The following SH3KBP1 variants were observed in gnomAD, a reference collection of about 807,000 sequenced individuals.
The protein encoded by SH3KBP1 is SH3 domain-containing kinase-binding protein 1.
In SH3KBP1, 8 loss-of-function variants were observed where a neutral mutation model predicts 50.1. The ratio of observed to expected loss-of-function variants is 0.16; its 90% CI spans 0.09 to 0.29. SH3KBP1 has a LOEUF of 0.29. SH3KBP1 is among the 10% of genes least tolerant of loss of function. The pLI, the probability that SH3KBP1 is intolerant of heterozygous loss-of-function variation, is 1.00. For missense variants in SH3KBP1, 377 were observed against 535.2 expected (o/e 0.70, Z 2.92); for synonymous variants, 227 against 218.6 (o/e 1.04, Z -0.34).
chrX:19,665,393 A>G (rs1358218520), intron 6 of SH3KBP1, among the ~76,000 whole-genome samples: 2 of 112,067 alleles, frequency 1.8e-5, no homozygotes, highest in African/African-American at 6.5e-5. Context: ...TTGAGGTGAC[A>G]CTTCTGAGTC....
intron 6 of SH3KBP1, among the ~76,000 whole-genome samples, chrX:19,680,830 T>C (rs2063033122): frequency 9.0e-6 from 1 of 111,495 alleles, no homozygotes; most frequent in African/African-American, 3.3e-5. Context: ...GTTGTAAAAA[T>C]TGTCCACACC....
chrX:19,663,763 T>G (rs2062523983), intron 6 of SH3KBP1, among the ~76,000 whole-genome samples: 1 of 112,122 alleles, frequency 8.9e-6, no homozygotes, highest in African/African-American at 3.2e-5. Flanking sequence ...TCTCCATTAT[T>G]TGCAATCTGA....
At chrX:19,544,914 A>G (rs1459067568) in intron 15 of SH3KBP1, among the ~76,000 whole-genome samples, 1 of 111,916 alleles carries the variant, frequency 8.9e-6, no homozygotes, top group African/African-American at 3.3e-5. Flanking sequence ...GAGACACCCC[A>G]GGGATGTCAA....
At chrX:19,663,001 A>C (rs1392289930) in intron 6 of SH3KBP1, among the ~76,000 whole-genome samples, 1 of 111,291 alleles carries the variant, frequency 9.0e-6, no homozygotes, top group African/African-American at 3.3e-5. Flanking sequence ...TCAGTTTAAC[A>C]GCAAGTCTTG....
intron 1 of SH3KBP1, among the ~76,000 whole-genome samples, chrX:19,844,563 A>T (rs2068311844): frequency 9.0e-6 from 1 of 111,450 alleles, no homozygotes; most frequent in Non-Finnish European, 1.9e-5. Context: ...CAATGCCTAT[A>T]TAGCAGAGGG....
intron 1 of SH3KBP1, among the ~76,000 whole-genome samples, chrX:19,864,639 A>C (rs2068860044): frequency 8.9e-6 from 1 of 112,105 alleles, no homozygotes; most frequent in South Asian, 3.7e-4. Flanking sequence ...TAGAGTTTCC[A>C]AAAAGGAATG....
chrX:19,799,583 A>G (rs757005677), intron 2 of SH3KBP1: 1 of 1,158,580 alleles, frequency 8.6e-7, no homozygotes, highest in East Asian at 3.0e-5. Context: ...GCAACAGGCT[A>G]CAAAAGATGC....
rs750081252 is a variant in SH3KBP1, at chrX:19,611,685, G to A, written c.898-3640C>T. On this transcript the variant is annotated intron_variant, in intron 8 of 17. Transcript: ENST00000397821. ...AACTTTAGATCCCATACACCCCTAC[G>A]GGAGAAAATGGTACATAATGACATT... 3.0e-3 allele frequency among the ~76,000 whole-genome samples: 328 copies of A among 110,889 alleles called. 1 individual carries two copies. The highest frequency in any genetic ancestry group is 0.01 in the African/African-American group (309 of 30,471).
chrX:19,789,962 A>C (rs1282925859), intron 2 of SH3KBP1, among the ~76,000 whole-genome samples: 1 of 110,463 alleles, frequency 9.1e-6, no homozygotes, highest in African/African-American at 3.3e-5. Context: ...TCCCCTGGGA[A>C]AGGCCAGGGA....
At chrX:19,726,460 T>G (rs745478518) in intron 3 of SH3KBP1, among the ~76,000 whole-genome samples, 1 of 111,734 alleles carries the variant, frequency 8.9e-6, no homozygotes, top group African/African-American at 3.3e-5. Context: ...GCGTACTGAT[T>G]GCATTAAGGT....
At chrX:19,570,878 C>T (rs1271863533) in intron 12 of SH3KBP1, among the ~76,000 whole-genome samples, 1 of 111,806 alleles carries the variant, frequency 8.9e-6, no homozygotes, top group African/African-American at 3.3e-5. Flanking sequence ...ATCACCTGAG[C>T]CCAGGGAAGT....
At chrX:19,734,178 C>G (rs2064465464) in intron 3 of SH3KBP1, among the ~76,000 whole-genome samples, 1 of 111,753 alleles carries the variant, frequency 8.9e-6, no homozygotes, top group Non-Finnish European at 1.9e-5. Context: ...AGAGGTTTGG[C>G]TTTTGATTTA....
At position 19,684,100 on chromosome X, in the gene SH3KBP1, C is replaced by T. The variant is rs1602997297; in HGVS notation, c.521-72G>A. 19 of 852,864 alleles carry T rather than the reference C, an allele frequency of 2.2e-5. No homozygotes were observed. In the East Asian group the frequency reaches 6.0e-4, roughly 27 times the overall value. 70.3% of individuals were successfully genotyped at this position (852,864 alleles called of 1,213,427 possible). ...GAGCCCTGAAGAAGAACTTCACAAC[C>T]AGCCAGGAACCACCTCTAAAAGTGT... On this transcript the variant is annotated intron_variant, in intron 5 of 17. Transcript: ENST00000397821.
intron 2 of SH3KBP1, among the ~76,000 whole-genome samples, chrX:19,759,613 C>G (rs1388206604): frequency 9.0e-6 from 1 of 111,574 alleles, no homozygotes; most frequent in African/African-American, 3.3e-5. Context: ...GACAGCTGGG[C>G]ATTTTCATTT....
At chrX:19,732,871 G>C (rs2064421911) in intron 3 of SH3KBP1, among the ~76,000 whole-genome samples, 1 of 111,392 alleles carries the variant, frequency 9.0e-6, no homozygotes, top group Non-Finnish European at 1.9e-5. Flanking sequence ...AAAAATATGA[G>C]GGGAAAGATC....
chrX:19,637,195 G>A (rs763185989), intron 7 of SH3KBP1, among the ~76,000 whole-genome samples: 2 of 112,371 alleles, frequency 1.8e-5, no homozygotes, highest in East Asian at 5.6e-4. Flanking sequence ...TGCAGTAAAT[G>A]GATGACTGGT....
intron 2 of SH3KBP1, among the ~76,000 whole-genome samples, chrX:19,778,430 CA>C (rs374544534): frequency 1.1e-3 from 51 of 46,536 alleles, no homozygotes; most frequent in Admixed American, 2.7e-3. Context: ...GACTCCATCT[CA>C]AAAAAAAAAA....
chrX:19,673,868 C>G (rs1367074834), intron 6 of SH3KBP1, among the ~76,000 whole-genome samples: 1 of 111,395 alleles, frequency 9.0e-6, no homozygotes, highest in African/African-American at 3.3e-5. Flanking sequence ...TGCACCCCAG[C>G]CCAACCCACC....
At chrX:19,742,274 TA>T (rs926382758) in intron 3 of SH3KBP1, among the ~76,000 whole-genome samples, 1 of 110,111 alleles carries the variant, frequency 9.1e-6, no homozygotes, top group Non-Finnish European at 1.9e-5. Flanking sequence ...CTAATTGTTT[TA>T]TTTTTTTTAG....
Sources: gnomAD v4.1 joint callset for allele counts (sites outside exome capture counted in the v4.1 genomes callset) on GRCh38, gnomAD v4.1.1 for gene constraint, MANE v1.5 for transcripts, NCBI Gene and HGNC (gene_info 2026-07-23, HGNC 2026-07-21) for gene names.